Variants in GLT8D2 observed in about 807,000 individuals in gnomAD.
GLT8D2 encodes glycosyltransferase 8 domain containing 2.
A neutral mutation model predicts 44.5 loss-of-function variants in GLT8D2; 45 were observed. That is an observed-to-expected ratio of 1.01 (90% CI 0.80 to 1.30). The LOEUF (loss-of-function observed/expected upper bound fraction) is 1.30, where lower values mean the gene tolerates loss of function less well. GLT8D2 is among the 50% of genes most tolerant of loss of function. GLT8D2 has a pLI of 0.00. For synonymous variants in GLT8D2, 156 were observed against 157.2 expected (o/e 0.99, Z 0.06); for missense variants, 400 against 430.4 (o/e 0.93, Z 0.62).
At chr12:104,051,093 C>T (rs933135849), upstream of GLT8D2, among the ~76,000 whole-genome samples, 6 of 151,554 alleles carry the variant, frequency 4.0e-5, no homozygotes, top group South Asian at 2.1e-4. Context: ...GGATTACAGG[C>T]GTGAGCCACC....
intron 1 of GLT8D2, among the ~76,000 whole-genome samples, chr12:104,034,852 G>C (rs964638019): frequency 3.3e-5 from 5 of 152,236 alleles, no homozygotes; most frequent in African/African-American, 4.8e-5. Context: ...GTGGGTCCCT[G>C]ACCCCCATGT....
In GLT8D2 at chr12:103,993,263, G is replaced by A. The variant is rs1355041675; in HGVS notation, c.880+129C>T. The A allele has an allele frequency of 4.0e-5, 29 of 717,084 alleles. No individual in the cohort carries two copies. In the Middle Eastern group the frequency reaches 1.8e-3, roughly 45 times the overall value. 44.4% of individuals were successfully genotyped at this position (717,084 alleles called of 1,614,324 possible). ...GGTGAATTGCTTGAACCCAGGAAGC[G>A]GAGGTTCCAGTGAGCCGAGATCACG... On this transcript the variant is annotated intron_variant, in intron 10 of 10. Coordinates refer to ENST00000360814, the MANE Select transcript of GLT8D2 (RefSeq NM_001384711.1).
At chr12:104,059,248 T>C (rs985540183) in intron 1 of GLT8D2, among the ~76,000 whole-genome samples, 2 of 152,186 alleles carry the variant, frequency 1.3e-5, no homozygotes, top group African/African-American at 4.8e-5. Flanking sequence ...CATGTAGGTA[T>C]ACATGGACTT....
At chr12:104,009,852 G>T (rs1875587825) in intron 4 of GLT8D2, among the ~76,000 whole-genome samples, 1 of 152,026 alleles carries the variant, frequency 6.6e-6, no homozygotes, top group African/African-American at 2.4e-5. Context: ...ATTTTCTTTT[G>T]CTGCTGCCAT....
intron 4 of GLT8D2, among the ~76,000 whole-genome samples, chr12:104,011,434 G>C (rs761981315): frequency 1.3e-4 from 20 of 152,294 alleles, no homozygotes; most frequent in Non-Finnish European, 2.6e-4. Flanking sequence ...GGAAATGTCT[G>C]CTTTCCTAAT....
At chr12:103,995,011 T>C (rs1873234346) in intron 8 of GLT8D2, among the ~76,000 whole-genome samples, 1 of 152,134 alleles carries the variant, frequency 6.6e-6, no homozygotes, top group Non-Finnish European at 1.5e-5. Context: ...ACTCCTTTTT[T>C]CTCACTCTCT....
intron 3 of GLT8D2, 68 bp downstream of exon 3, chr12:104,019,562 G>T: frequency 8.1e-7 from 1 of 1,239,154 alleles, no homozygotes; most frequent in Non-Finnish European, 1.2e-6. Flanking sequence ...AAAGAGCCAA[G>T]CCCCAGCCTC....
chr12:104,015,881 T>TA (rs1876514776), intron 3 of GLT8D2, among the ~76,000 whole-genome samples: 1 of 152,102 alleles, frequency 6.6e-6, no homozygotes, highest in Non-Finnish European at 1.5e-5. Context: ...TGCATGCCTG[T>TA]AATCCCAGCT....
At chr12:104,012,802 C>T (rs1212173550) in intron 4 of GLT8D2, 1 of 699,210 alleles carries the variant, frequency 1.4e-6, no homozygotes, top group Non-Finnish European at 2.6e-6. Context: ...ATTTGGTAGG[C>T]CTTATCCCAG....
At chr12:103,994,003 T>C (rs1873100107) in intron 9 of GLT8D2, 1 of 169,818 alleles carries the variant, frequency 5.9e-6, no homozygotes, top group South Asian at 1.9e-4. Flanking sequence ...TAATAATCCT[T>C]AATAAAAAAA....
chr12:104,045,923 GAAAGAAAGAAAGAAAA>G (rs1881058504), intron 1 of GLT8D2, among the ~76,000 whole-genome samples: 2 of 145,624 alleles, frequency 1.4e-5, no homozygotes, highest in African/African-American at 5.1e-5. Flanking sequence ...AAGAAAGAAA[GAAAGAAAGAAAGAAAA>G]AGAAAGAAAG....
In GLT8D2 at chr12:104,019,521, A is replaced by G. The variant is rs1235785757; in HGVS notation, c.19+109T>C. 4 of 868,714 alleles carry G rather than the reference A, an allele frequency of 4.6e-6. No homozygotes were observed. The African/African-American group carries it at 5.1e-5, about 11-fold the overall frequency. 53.8% of individuals were successfully genotyped at this position (868,714 alleles called of 1,614,324 possible). ...AAAAGTGCCTGTGGGAAAACTATCCATGAAAATCAAACACAATCCAAGAAA... is the reference window on the plus strand; with the variant it reads ...AAAAGTGCCTGTGGGAAAACTATCCGTGAAAATCAAACACAATCCAAGAAA... On this transcript the variant is annotated intron_variant, in intron 3 of 10. Transcript: ENST00000360814.
intron 1 of GLT8D2, among the ~76,000 whole-genome samples, chr12:104,035,837 C>T (rs1275627921): frequency 5.3e-5 from 8 of 152,022 alleles, no homozygotes; most frequent in African/African-American, 1.7e-4. Context: ...AGATATTCCT[C>T]GAGAGGAGCA....
At chr12:103,993,149 G>C (rs921344522) in intron 10 of GLT8D2, among the ~76,000 whole-genome samples, 7 of 152,090 alleles carry the variant, frequency 4.6e-5, no homozygotes, top group Admixed American at 1.3e-4. Flanking sequence ...TGGCCAACAT[G>C]GTGAAACCCC....
intron 3 of GLT8D2, among the ~76,000 whole-genome samples, chr12:104,016,380 T>C (rs887262571): frequency 1.3e-5 from 2 of 152,064 alleles, no homozygotes; most frequent in Admixed American, 6.6e-5. Context: ...CTCACACCTG[T>C]AATCCCAGCA....
At chr12:104,022,017 GAAGAAA>G (rs879330450) in intron 1 of GLT8D2, among the ~76,000 whole-genome samples, 7,776 of 47,478 alleles carry the variant, frequency 0.16, 2,239 homozygotes, top group Middle Eastern at 0.19. Context: ...AGAAGAAGAA[GAAGAAA>G]AAGAAGAAGA....
In GLT8D2 at chr12:103,996,811, A is replaced by T. The variant is rs757022179; in HGVS notation, c.524T>A (p.Leu175Gln). The T allele has an allele frequency of 1.2e-6, 2 of 1,614,120 alleles. No individual in the cohort carries two copies. The highest frequency in any genetic ancestry group is 2.2e-5 in the South Asian group (2 of 91,086). ...ATCTGAGAAAGCCGCCGCGTGGCCC[A>T]GGGCCAAGGTGGTGTCATACAGTTC... Reference protein sequence around the residue: ...IQELYDTTLALGHAAAFSDDC... With the variant: ...IQELYDTTLAQGHAAAFSDDC... Residue 175 changes from leucine to glutamine, a missense_variant, in exon 8 of 11, where the codon CTG (leucine) becomes CAG (glutamine). By Grantham distance (113) the Leu-to-Gln change is moderately radical. Coordinates refer to ENST00000360814, the MANE Select transcript of GLT8D2 (RefSeq NM_001384711.1).
intron 1 of GLT8D2, among the ~76,000 whole-genome samples, chr12:104,038,635 G>C (rs961402684): frequency 8.6e-5 from 13 of 151,990 alleles, no homozygotes; most frequent in African/African-American, 3.1e-4. Context: ...ACTGCTCAAC[G>C]AAATAAAAGA....
chr12:104,006,780 G>A (rs1875067186), intron 4 of GLT8D2, among the ~76,000 whole-genome samples: 1 of 152,220 alleles, frequency 6.6e-6, no homozygotes, highest in Non-Finnish European at 1.5e-5. Context: ...ACATAAGGCT[G>A]TGAGCCCTTT....
Sources: gnomAD v4.1 joint callset for allele counts (sites outside exome capture counted in the v4.1 genomes callset) on GRCh38, gnomAD v4.1.1 for gene constraint, MANE v1.5 for transcripts, NCBI Gene and HGNC (gene_info 2026-07-23, HGNC 2026-07-21) for gene names.